STOX2: variants seen among roughly 807,000 people sequenced by gnomAD.
STOX2 encodes the protein storkhead box 2.
Under a neutral mutation model 60.9 loss-of-function variants are expected in STOX2, and 28 were observed. The ratio of observed to expected loss-of-function variants is 0.46; its 90% CI spans 0.34 to 0.63. The LOEUF (loss-of-function observed/expected upper bound fraction) is 0.63, where lower values mean the gene tolerates loss of function less well. Among genes scored for constraint, STOX2 ranks in the 30% least tolerant of loss-of-function variants. The probability of loss-of-function intolerance (pLI) is 0.01; values close to 1 mark genes in which losing one functional copy is unlikely to be tolerated. For missense variants in STOX2, 1,024 were observed against 1,187.7 expected (o/e 0.86, Z 2.03); for synonymous variants, 472 against 463.9 (o/e 1.02, Z -0.22).
intron 1 of STOX2, among the ~76,000 whole-genome samples, chr4:183,838,181 A>C (rs1164090767): frequency 6.6e-6 from 1 of 150,590 alleles, no homozygotes; most frequent in East Asian, 1.9e-4. Flanking sequence ...TATTTAATTT[A>C]TTGAAATATT....
chr4:184,008,710 C>G (rs955137812), intron 2 of STOX2, among the ~76,000 whole-genome samples: 4 of 152,166 alleles, frequency 2.6e-5, no homozygotes, highest in Non-Finnish European at 5.9e-5. Flanking sequence ...GTGGTAGCCT[C>G]CATATATGTT....
chr4:183,908,562 T>A (rs1174752715), intron 1 of STOX2, among the ~76,000 whole-genome samples: 10 of 151,508 alleles, frequency 6.6e-5, no homozygotes, highest in Non-Finnish European at 1.2e-4. Context: ...ACACTCTGTT[T>A]CATGATTCAG....
chr4:183,979,865 T>C (rs572583385), intron 1 of STOX2, among the ~76,000 whole-genome samples: 11 of 152,322 alleles, frequency 7.2e-5, no homozygotes, highest in Non-Finnish European at 4.4e-5. Flanking sequence ...TCAGGTCTTA[T>C]GTTAGTTCCT....
intron 1 of STOX2, among the ~76,000 whole-genome samples, chr4:183,962,031 T>G (rs1052755002): frequency 6.6e-6 from 1 of 152,214 alleles, no homozygotes; most frequent in South Asian, 2.1e-4. Context: ...AGACAGGCAC[T>G]TTTTCTCTAT....
chr4:183,964,048 T>A (rs2111165468), intron 1 of STOX2, among the ~76,000 whole-genome samples: 1 of 152,370 alleles, frequency 6.6e-6, no homozygotes, highest in East Asian at 1.9e-4. Context: ...GTGCTGGGAT[T>A]ACAGGCGTGA....
chr4:183,824,992 A>G (rs964416807), intron 1 of STOX2, among the ~76,000 whole-genome samples: 2 of 152,200 alleles, frequency 1.3e-5, no homozygotes, highest in African/African-American at 2.4e-5. Flanking sequence ...TGGCCTGCAC[A>G]ATTGGAATGT....
At chr4:183,931,325 G>A (rs964192643) in intron 1 of STOX2, among the ~76,000 whole-genome samples, 5 of 152,146 alleles carry the variant, frequency 3.3e-5, no homozygotes, top group Non-Finnish European at 7.4e-5. Flanking sequence ...TTGGGTGGCT[G>A]AGGCGGGAGA....
At chr4:183,964,345 A>C (rs116330613) in intron 1 of STOX2, among the ~76,000 whole-genome samples, 1 of 152,206 alleles carries the variant, frequency 6.6e-6, no homozygotes, top group Admixed American at 6.5e-5. Flanking sequence ...TGGTTGTAGT[A>C]TGTCAAATCC....
chr4:183,916,531 G>C (rs1047455567), intron 1 of STOX2, among the ~76,000 whole-genome samples: 3 of 152,108 alleles, frequency 2.0e-5, no homozygotes, highest in African/African-American at 7.2e-5. Flanking sequence ...TATGTGTAAA[G>C]CTCTTAGAAC....
In STOX2 at chr4:183,828,031, AT is replaced by A. The variant is rs202072161; in HGVS notation, c.364+29983del. Among the ~76,000 whole-genome samples, 1,185 of 152,282 alleles carry A rather than the reference AT, an allele frequency of 7.8e-3. 13 individuals are homozygous for A. Among genetic ancestry groups the A allele is most frequent in the African/African-American group, 0.028 (1,148 of 41,550 alleles). Reference sequence around the variant, plus strand: ...AAATTTCTCTGATGTTTGCATAAACATTTTTTTACAGTTCATTTGTTCAAAT... The same window carrying A: ...AAATTTCTCTGATGTTTGCATAAACATTTTTTACAGTTCATTTGTTCAAAT... On this transcript the variant is annotated intron_variant, in intron 1 of 2. Transcript: ENST00000513034.
chr4:183,891,336 T>C (rs1202071928), intron 1 of STOX2, among the ~76,000 whole-genome samples: 1 of 92,248 alleles, frequency 1.1e-5, no homozygotes, highest in Non-Finnish European at 2.3e-5. Context: ...ATATCTATGA[T>C]GGAATATATA....
intron 1 of STOX2, among the ~76,000 whole-genome samples, chr4:183,849,764 G>A (rs1021935144): frequency 1.3e-5 from 2 of 152,062 alleles, no homozygotes; most frequent in Non-Finnish European, 2.9e-5. Context: ...AGGGCGTTGG[G>A]AGTTCGGCAC....
chr4:183,925,479 G>A (rs972884890), intron 1 of STOX2, among the ~76,000 whole-genome samples: 6 of 151,818 alleles, frequency 4.0e-5, no homozygotes, highest in East Asian at 1.9e-4. Context: ...CCCCTTCCCC[G>A]GCCCCTCCCC....
intron 1 of STOX2, among the ~76,000 whole-genome samples, chr4:183,993,871 C>T (rs541625012): frequency 3.4e-4 from 51 of 152,152 alleles, no homozygotes; most frequent in Non-Finnish European, 6.2e-4. Context: ...TAATGGGAGC[C>T]GTCTGCTCTG....
intron 1 of STOX2, among the ~76,000 whole-genome samples, chr4:183,989,169 G>GT (rs11421201): frequency 0.013 from 1,037 of 79,916 alleles, 3 homozygotes; most frequent in African/African-American, 0.039. Context: ...ATTTTTTCTG[G>GT]TTTTTTTTTT....
chr4:183,882,326 G>A (rs1417779374), intron 1 of STOX2, among the ~76,000 whole-genome samples: 2 of 152,076 alleles, frequency 1.3e-5, no homozygotes, highest in Non-Finnish European at 2.9e-5. Context: ...GATCTTTATG[G>A]GTTCCTGAGT....
chr4:183,827,706 A>G (rs779340548), intron 1 of STOX2, among the ~76,000 whole-genome samples: 21 of 151,512 alleles, frequency 1.4e-4, no homozygotes, highest in Non-Finnish European at 2.9e-4. Context: ...GAACTTGTAC[A>G]TATTTTATAA....
rs148870580 is a variant in STOX2, at chr4:183,858,956, G to A, written c.364+60901G>A. ...CCTAAGTCATTCTCACACTTGATTG[G>A]TCTTGCTGCCCTTCTGCTGAAAAGC... is the stretch of plus-strand genomic sequence containing the variant. On this transcript the variant is annotated intron_variant, in intron 1 of 2. Transcript: ENST00000513034. Among the ~76,000 whole-genome samples, 342 of 152,204 alleles carry A rather than the reference G, an allele frequency of 2.2e-3. 1 individual carries two copies. Among genetic ancestry groups the A allele is most frequent in the Non-Finnish European group, 1.7e-3 (118 of 68,020 alleles).
At chr4:183,963,905 A>G (rs1199400115) in intron 1 of STOX2, among the ~76,000 whole-genome samples, 1 of 150,260 alleles carries the variant, frequency 6.7e-6, no homozygotes, top group African/African-American at 2.5e-5. Context: ...CCTCCCTAGT[A>G]GCTGGGACTA....
Sources: allele counts gnomAD v4.1 joint callset (sites outside exome capture counted in the v4.1 genomes callset), GRCh38; gene constraint gnomAD v4.1.1; transcripts MANE v1.5; gene names NCBI Gene and HGNC (gene_info 2026-07-23, HGNC 2026-07-21).